The following FGF12 variants were observed in gnomAD, a reference collection of about 807,000 sequenced individuals.
FGF12 encodes the protein fibroblast growth factor 12, also known as fibroblast growth factor 12B.
FGF12 carries 14 observed loss-of-function variants against 23.6 expected under a neutral mutation model. The observed-to-expected ratio is 0.59, with a 90% CI of 0.39 to 0.93. FGF12 has a LOEUF of 0.93. FGF12 is among the 40% of genes least tolerant of loss of function. FGF12 has a pLI of 0.00. For missense variants in FGF12, 175 were observed against 217.8 expected (o/e 0.80, Z 1.24); for synonymous variants, 62 against 77.3 (o/e 0.80, Z 1.04).
chr3:192,271,988 C>T (rs1713467934), intron 4 of FGF12, among the ~76,000 whole-genome samples: 1 of 152,150 alleles, frequency 6.6e-6, no homozygotes, highest in Non-Finnish European at 1.5e-5. Flanking sequence ...TGGTCCTACT[C>T]ATTTCTCTTA....
chr3:192,241,476 T>A (rs184393666), intron 4 of FGF12, among the ~76,000 whole-genome samples: 243 of 152,158 alleles, frequency 1.6e-3, no homozygotes, highest in African/African-American at 5.8e-3. Context: ...GAAAAAGCAG[T>A]ATAAAGAAAA....
intron 4 of FGF12, among the ~76,000 whole-genome samples, chr3:192,194,172 T>C (rs1339837913): frequency 2.0e-5 from 3 of 152,202 alleles, no homozygotes; most frequent in African/African-American, 7.2e-5. Flanking sequence ...TCCATTCACA[T>C]AGGTCAGAAA....
chr3:192,287,020 A>G (rs954335896), intron 4 of FGF12, among the ~76,000 whole-genome samples: 2 of 152,102 alleles, frequency 1.3e-5, no homozygotes, highest in East Asian at 1.9e-4. Flanking sequence ...ATGATCAAAC[A>G]TAAATGGAAT....
At chr3:192,569,966 A>C (rs1342188397) in intron 2 of FGF12, among the ~76,000 whole-genome samples, 1 of 152,244 alleles carries the variant, frequency 6.6e-6, no homozygotes, top group Non-Finnish European at 1.5e-5. Flanking sequence ...GGAAGAGAAA[A>C]GATAAGGCCC....
At chr3:192,427,391 A>G (rs920539808) in intron 2 of FGF12, among the ~76,000 whole-genome samples, 3 of 152,122 alleles carry the variant, frequency 2.0e-5, no homozygotes, top group East Asian at 1.9e-4. Flanking sequence ...AAAAAAAAAA[A>G]AAAAGAGTAG....
chr3:192,691,618 C>G (rs950546728), intron 2 of FGF12, among the ~76,000 whole-genome samples: 1 of 151,658 alleles, frequency 6.6e-6, no homozygotes, highest in Admixed American at 6.6e-5. Flanking sequence ...TAACATTCTA[C>G]CTCAAAAAAC....
At chr3:192,221,811 A>G (rs1718490630) in intron 4 of FGF12, among the ~76,000 whole-genome samples, 1 of 152,192 alleles carries the variant, frequency 6.6e-6, no homozygotes, top group African/African-American at 2.4e-5. Context: ...GTCTCTAGTT[A>G]TGACTGGCAG....
intron 2 of FGF12, among the ~76,000 whole-genome samples, chr3:192,596,143 A>ATAACATAATATAATATAATATAATAT (rs1560163596): frequency 6.8e-6 from 1 of 148,028 alleles, no homozygotes; most frequent in Non-Finnish European, 1.5e-5. Context: ...ATAATATAAT[A>ATAACATAATATAATATAATATAATAT]TACTCTTAAA....
At chr3:192,167,322 C>T (rs1715222949) in intron 5 of FGF12, among the ~76,000 whole-genome samples, 1 of 152,080 alleles carries the variant, frequency 6.6e-6, no homozygotes, top group Non-Finnish European at 1.5e-5. Flanking sequence ...TCTTCTTCAC[C>T]TCTCCTCTGC....
At chr3:192,304,937 T>C (rs1715539623) in intron 4 of FGF12, among the ~76,000 whole-genome samples, 1 of 152,156 alleles carries the variant, frequency 6.6e-6, no homozygotes, top group South Asian at 2.1e-4. Flanking sequence ...TAGCTCACTT[T>C]GTACACAGTA....
At chr3:192,559,630 A>C (rs1381632427) in intron 2 of FGF12, among the ~76,000 whole-genome samples, 1 of 152,000 alleles carries the variant, frequency 6.6e-6, no homozygotes. Flanking sequence ...ATGTACTCTA[A>C]AACTTAAAGT....
chr3:192,435,283 A>G lies in FGF12; in HGVS notation c.14-74745T>C, dbSNP rs987874787. 3.9e-5 allele frequency among the ~76,000 whole-genome samples: 6 copies of G among 152,168 alleles called. No homozygotes were observed. In the South Asian group the frequency reaches 1.0e-3, roughly 26 times the overall value. On this transcript the variant is annotated intron_variant, in intron 2 of 5. Coordinates refer to ENST00000445105, the MANE Select transcript of FGF12 (RefSeq NM_004113.6). ...CACTAGTTTTTTTTAAAAAAACTTCATTTCTTTGACTGCTAAATGAAGAAT... is the reference window on the plus strand; with the variant it reads ...CACTAGTTTTTTTTAAAAAAACTTCGTTTCTTTGACTGCTAAATGAAGAAT...
At position 192,428,857 on chromosome 3, in the gene FGF12, G is replaced by A. The variant is rs1363579832; in HGVS notation, c.14-68319C>T. Among the ~76,000 whole-genome samples the A allele has an allele frequency of 2.6e-5, 4 of 151,976 alleles. No homozygotes were observed. The South Asian group carries it at 8.3e-4, about 31-fold the overall frequency. On this transcript the variant is annotated intron_variant, in intron 2 of 5. Coordinates refer to ENST00000445105, the MANE Select transcript of FGF12 (RefSeq NM_004113.6). The stretch of plus-strand genomic sequence containing the variant: ...TGAAAGCTCTGTGAGTCTGCATATG[G>A]CAATCCTTCTGTCTGGAATTACTTC...
chr3:192,533,349 A>AGGTGGT (rs1321401184), intron 2 of FGF12, among the ~76,000 whole-genome samples: 1 of 152,190 alleles, frequency 6.6e-6, no homozygotes, highest in African/African-American at 2.4e-5. Context: ...TTGGGGAACA[A>AGGTGGT]GGTGGTATTT....
rs146733348 is a variant in FGF12 at position 192,570,942 on chromosome 3, G to A, written c.13+156239C>T. Among the ~76,000 whole-genome samples the A allele has an allele frequency of 1.8e-3, 278 of 152,264 alleles. 2 individuals are homozygous for A. Among genetic ancestry groups the A allele is most frequent in the African/African-American group, 6.3e-3 (263 of 41,544 alleles). ...TAGCAAGGCTAGGAAAGTAAATGAC[G>A]TAGTAATGGAAAAGGGAGGGGAAAC... On this transcript the variant is annotated intron_variant, in intron 2 of 5. Coordinates refer to ENST00000445105, the MANE Select transcript of FGF12 (RefSeq NM_004113.6).
chr3:192,476,388 T>C (rs1723324977), intron 2 of FGF12, among the ~76,000 whole-genome samples: 1 of 152,182 alleles, frequency 6.6e-6, no homozygotes, highest in African/African-American at 2.4e-5. Flanking sequence ...CCCAATTGTT[T>C]GAGTCTAAAG....
At chr3:192,688,975 A>T (rs568156786) in intron 2 of FGF12, among the ~76,000 whole-genome samples, 1 of 152,320 alleles carries the variant, frequency 6.6e-6, no homozygotes, top group Non-Finnish European at 1.5e-5. Flanking sequence ...TGTTAAGTGA[A>T]ATAAGCCAAT....
intron 2 of FGF12, among the ~76,000 whole-genome samples, chr3:192,500,437 T>TCCCCC (rs34993789): frequency 6.9e-6 from 1 of 145,258 alleles, no homozygotes; most frequent in African/African-American, 2.5e-5. Context: ...AAATCCAACA[T>TCCCCC]CCCCCCACCC....
intron 2 of FGF12, among the ~76,000 whole-genome samples, chr3:192,595,668 G>A (rs1231632752): frequency 6.6e-6 from 1 of 152,170 alleles, no homozygotes; most frequent in Non-Finnish European, 1.5e-5. Context: ...CTAGTGCAGG[G>A]ACCACACTTG....
Sources: gnomAD v4.1 joint callset for allele counts (sites outside exome capture counted in the v4.1 genomes callset) on GRCh38, gnomAD v4.1.1 for gene constraint, MANE v1.5 for transcripts, NCBI Gene and HGNC (gene_info 2026-07-23, HGNC 2026-07-21) for gene names.